ZSWIM5: variants seen among roughly 807,000 people sequenced by gnomAD.
ZSWIM5 encodes the protein zinc finger SWIM domain-containing protein 5.
A neutral mutation model predicts 119.6 loss-of-function variants in ZSWIM5; 55 were observed. That is an observed-to-expected ratio of 0.46 (90% CI 0.37 to 0.58). The LOEUF (loss-of-function observed/expected upper bound fraction) is 0.58. Among genes scored for constraint, ZSWIM5 ranks in the 20% least tolerant of loss-of-function variants. The pLI is 0.00. For missense variants in ZSWIM5, 1,193 were observed against 1,512.8 expected (o/e 0.79, Z 3.51); for synonymous variants, 537 against 606.9 (o/e 0.88, Z 1.69).
At chr1:45,060,423 A>G (rs1287761257) in intron 2 of ZSWIM5, among the ~76,000 whole-genome samples, 176 bp from the exon 3 acceptor site, 1 of 152,188 alleles carries the variant, frequency 6.6e-6, no homozygotes, top group Non-Finnish European at 1.5e-5. Flanking sequence ...AATTTTTCAA[A>G]AAGCCTAAAT....
In ZSWIM5 at chr1:45,091,491, T is replaced by TA. The variant is rs35089745; in HGVS notation, c.596-3255dup. 6.3e-3 allele frequency among the ~76,000 whole-genome samples: 660 copies of TA among 104,296 alleles called. 4 individuals carry two copies. Among genetic ancestry groups the TA allele is most frequent in the Admixed American group, 8.8e-3 (84 of 9,576 alleles). The allele number at this position is 104,296 out of a possible 152,430, so 68.4% of individuals were successfully genotyped here. On this transcript the variant is annotated intron_variant, in intron 1 of 13. Coordinates refer to ENST00000359600, the MANE Select transcript of ZSWIM5 (RefSeq NM_020883.2). The stretch of plus-strand genomic sequence containing the variant: ...GGGCAATATAGCAAGACCCTGTCTC[T>TA]AAAAAAAAAAAAAAAAAAAAAAATA...
At chr1:45,107,675 A>G (rs1645490382) in intron 1 of ZSWIM5, among the ~76,000 whole-genome samples, 1 of 151,136 alleles carries the variant, frequency 6.6e-6, no homozygotes, top group African/African-American at 2.4e-5. Context: ...TAGTGATTTA[A>G]TTTTCCCCCA....
chr1:45,031,797 G>A (rs958720415), intron 11 of ZSWIM5, among the ~76,000 whole-genome samples: 3 of 139,220 alleles, frequency 2.2e-5, no homozygotes, highest in South Asian at 2.2e-4. Flanking sequence ...CGGAGATCAC[G>A]CCACTGCATT....
chr1:45,018,369 G>T lies in ZSWIM5; in HGVS notation c.*85C>A. The T allele has an allele frequency of 6.6e-7, 1 of 1,525,270 alleles. No homozygotes were observed. The highest frequency in any genetic ancestry group is 8.9e-7 in the Non-Finnish European group (1 of 1,128,632). 94.5% of individuals were successfully genotyped at this position (1,525,270 alleles called of 1,614,324 possible). ...TCCACAGGTGCTCAGAGTTCTCTCA[G>T]GGTGGACAAATGTTTCAGTGCCCTT... On this transcript the variant is annotated 3_prime_UTR_variant, in exon 14 of 14. Coordinates refer to ENST00000359600, the MANE Select transcript of ZSWIM5 (RefSeq NM_020883.2). The surrounding 1 kb of genome is among the most constrained non-coding windows in gnomAD (Gnocchi z 6.7).
At chr1:45,202,228 C>T (rs1228337675) in intron 1 of ZSWIM5, among the ~76,000 whole-genome samples, 1 of 151,962 alleles carries the variant, frequency 6.6e-6, no homozygotes, top group African/African-American at 2.4e-5. Context: ...ATGTAGATAT[C>T]TTTTGTTCCC....
intron 1 of ZSWIM5, among the ~76,000 whole-genome samples, chr1:45,132,654 G>A (rs1206751600): frequency 6.6e-6 from 1 of 151,872 alleles, no homozygotes; most frequent in South Asian, 2.1e-4. Context: ...GGGTACATGT[G>A]CACAACATGC....
chr1:45,054,957 C>G (rs1645112365), intron 4 of ZSWIM5, among the ~76,000 whole-genome samples: 1 of 152,160 alleles, frequency 6.6e-6, no homozygotes, highest in Non-Finnish European at 1.5e-5. Context: ...TCCTAAGTAA[C>G]TGGCATTACA....
chr1:45,174,136 A>G (rs1645961602), intron 1 of ZSWIM5, among the ~76,000 whole-genome samples: 1 of 151,932 alleles, frequency 6.6e-6, no homozygotes, highest in African/African-American at 2.4e-5. Flanking sequence ...TTAGCCAAGT[A>G]TGGTGTCATA....
chr1:45,188,778 A>C (rs1318234144), intron 1 of ZSWIM5, among the ~76,000 whole-genome samples: 1 of 152,214 alleles, frequency 6.6e-6, no homozygotes, highest in Non-Finnish European at 1.5e-5. Flanking sequence ...AAACCCTAGC[A>C]AGGCTAACCT....
At chr1:45,077,284 C>G (rs1419880713) in intron 2 of ZSWIM5, among the ~76,000 whole-genome samples, 1 of 152,126 alleles carries the variant, frequency 6.6e-6, no homozygotes, top group Non-Finnish European at 1.5e-5. Context: ...TTCTATTTTC[C>G]TAAGCGTCGG....
chr1:45,153,505 CAA>C (rs113314162), intron 1 of ZSWIM5, among the ~76,000 whole-genome samples: 15 of 121,326 alleles, frequency 1.2e-4, no homozygotes, highest in East Asian at 2.5e-4. Context: ...GACTCTGTCT[CAA>C]AAAAAAAAAA....
At chr1:45,077,162 G>A (rs1645260569) in intron 2 of ZSWIM5, among the ~76,000 whole-genome samples, 1 of 152,118 alleles carries the variant, frequency 6.6e-6, no homozygotes, top group Admixed American at 6.5e-5. Flanking sequence ...GCTTGTAGAT[G>A]TTCGTCAGTG....
intron 5 of ZSWIM5, among the ~76,000 whole-genome samples, chr1:45,049,414 C>T (rs1645075764): frequency 6.6e-6 from 1 of 152,184 alleles, no homozygotes; most frequent in South Asian, 2.1e-4. Flanking sequence ...AGGTATCAAT[C>T]ACATCCTGAT....
intron 11 of ZSWIM5, among the ~76,000 whole-genome samples, chr1:45,021,592 T>G (rs1250737317): frequency 6.6e-6 from 1 of 152,220 alleles, no homozygotes; most frequent in Non-Finnish European, 1.5e-5. Flanking sequence ...ATACATTAAG[T>G]AAAGATAAAA....
chr1:45,059,977 T>A, intron 3 of ZSWIM5, 122 bp downstream of exon 3: 3 of 1,240,160 alleles, frequency 2.4e-6, no homozygotes, highest in Middle Eastern at 4.2e-4. Flanking sequence ...AGATTTCAAG[T>A]ATTCAGTTCA....
chr1:45,077,654 G>A (rs1223204649), intron 2 of ZSWIM5, among the ~76,000 whole-genome samples: 6 of 152,144 alleles, frequency 3.9e-5, no homozygotes, highest in Admixed American at 3.9e-4. Context: ...AATTTATTAG[G>A]TGGGAATTTC....
rs76304884 is a variant in ZSWIM5, at chr1:45,155,618, G to A, written c.595+50138C>T. 9.9e-3 allele frequency among the ~76,000 whole-genome samples: 1,510 copies of A among 152,188 alleles called. 30 individuals are homozygous for A. Among genetic ancestry groups the A allele is most frequent in the African/African-American group, 0.035 (1,448 of 41,532 alleles). On this transcript the variant is annotated intron_variant, in intron 1 of 13. Coordinates refer to ENST00000359600, the MANE Select transcript of ZSWIM5 (RefSeq NM_020883.2). ...TATAAACCTGCAACTGCAAAAATGT[G>A]GAACCAGCCCAAATGCCCTGCCCAT...
rs944911476 is a variant in ZSWIM5, at chr1:45,206,263, C to T, written c.88G>A (p.Ala30Thr). 5 of 1,583,080 alleles carry T rather than the reference C, an allele frequency of 3.2e-6. No homozygotes were observed. The highest frequency in any genetic ancestry group is 4.3e-6 in the Non-Finnish European group (5 of 1,166,092). Residue 30 changes from alanine (A) to threonine (T), a missense_variant, in exon 1 of 14, where the codon GCT becomes ACT. Transcript: ENST00000359600. ...KRQCSWPSPQ[A>T]HHPRGSPGAA... ...CCAGGCGAACCGCGAGGGTGATGAGCCTGCGGGCTGGGCCACGAACACTGC... is the reference window on the plus strand; with the variant it reads ...CCAGGCGAACCGCGAGGGTGATGAGTCTGCGGGCTGGGCCACGAACACTGC...
rs904155579 is a variant in ZSWIM5, at chr1:45,088,810, CAG to C, written c.596-575_596-574del. Among the ~76,000 whole-genome samples the C allele has an allele frequency of 6.6e-6, 1 of 152,114 alleles. No individual in the cohort carries two copies. On this transcript the variant is annotated intron_variant, in intron 1 of 13. Coordinates refer to ENST00000359600, the MANE Select transcript of ZSWIM5 (RefSeq NM_020883.2). The surrounding 1 kb of genome is among the most constrained non-coding windows in gnomAD (Gnocchi z 4.2). The stretch of plus-strand genomic sequence containing the variant: ...CAAGAAATTTAAGACATGAAAGGCA[CAG>C]CTAGGTGCAATGAAACTATGTAGTG...
Sources: allele counts gnomAD v4.1 joint callset (sites outside exome capture counted in the v4.1 genomes callset), GRCh38; gene constraint gnomAD v4.1.1; non-coding constraint Gnocchi (gnomAD v3.1); transcripts MANE v1.5; gene names NCBI Gene and HGNC (gene_info 2026-07-23, HGNC 2026-07-21).